Variants in AOAH observed in about 807,000 individuals in gnomAD.
AOAH encodes the protein acyloxyacyl hydrolase (neutrophil).
AOAH carries 64 observed loss-of-function variants against 92.2 expected under a neutral mutation model. That is an observed-to-expected ratio of 0.69 (90% CI 0.57 to 0.86). AOAH has a LOEUF of 0.86. Among genes scored for constraint, AOAH ranks in the 40% least tolerant of loss-of-function variants. AOAH has a pLI of 0.00. For synonymous variants in AOAH, 263 were observed against 254.5 expected, an observed-to-expected ratio of 1.03 and a Z score of -0.32; for missense variants, 656 against 694.6, an observed-to-expected ratio of 0.94 and a Z score of 0.62.
chr7:36,593,361 T>G (rs987846003), intron 12 of AOAH, among the ~76,000 whole-genome samples: 4 of 152,258 alleles, frequency 2.6e-5, no homozygotes, highest in Non-Finnish European at 5.9e-5. Flanking sequence ...GAATAATTGC[T>G]TGTTAAAATG....
At chr7:36,514,431 C>T in intron 20 of AOAH, 1 of 1,432,034 alleles carries the variant, frequency 7.0e-7, no homozygotes, top group Non-Finnish European at 9.5e-7. Flanking sequence ...TAGCTTAATA[C>T]ACAGCAGGCT....
chr7:36,513,435 C>A, intron 20 of AOAH, 55 bp from the exon 21 acceptor site: 1 of 1,568,800 alleles, frequency 6.4e-7, no homozygotes, highest in East Asian at 2.2e-5. Context: ...AAATCACTTA[C>A]CAACAAGATT....
intron 3 of AOAH, among the ~76,000 whole-genome samples, chr7:36,659,760 T>C (rs1369986088): frequency 2.0e-5 from 3 of 148,886 alleles, no homozygotes; most frequent in Non-Finnish European, 3.0e-5. Flanking sequence ...TCTTTCTTTT[T>C]TTTTTTTTTT....
At chr7:36,705,838 C>T (rs1017699514) in intron 1 of AOAH, among the ~76,000 whole-genome samples, 2 of 152,060 alleles carry the variant, frequency 1.3e-5, no homozygotes, top group African/African-American at 4.8e-5. Context: ...AGAACAGAGG[C>T]CTCAGAAATA....
chr7:36,589,657 G>A (rs1789607380), intron 12 of AOAH, among the ~76,000 whole-genome samples: 1 of 152,200 alleles, frequency 6.6e-6, no homozygotes, highest in Non-Finnish European at 1.5e-5. Context: ...AAATGAGGTT[G>A]AGGAATGCTA....
chr7:36,630,648 TTAAAACGTTTCAAGATGA>T lies in AOAH; in HGVS notation c.521+1370_521+1387del, dbSNP rs543737435. Reference sequence around the variant, plus strand: ...GGTTTGGGGCCAAGGAATCTGGATTTTAAAACGTTTCAAGATGATTCTGAGACATAGGCATAATTTAGT... The same window carrying T: ...GGTTTGGGGCCAAGGAATCTGGATTTTTCTGAGACATAGGCATAATTTAGT... On this transcript the variant is annotated intron_variant, in intron 6 of 20. Transcript: ENST00000617537. Among the ~76,000 whole-genome samples, 32 of 152,156 alleles carry T rather than the reference TTAAAACGTTTCAAGATGA, an allele frequency of 2.1e-4. 1 individual carries two copies. Among genetic ancestry groups the T allele is most frequent in the Non-Finnish European group, 4.0e-4 (27 of 68,032 alleles).
At position 36,705,143 on chromosome 7, in the gene AOAH, A is replaced by G. The variant is rs552758991; in HGVS notation, c.128-18349T>C. On this transcript the variant is annotated intron_variant, in intron 1 of 20. Coordinates refer to ENST00000617537, the MANE Select transcript of AOAH (RefSeq NM_001637.4). ...AACATAGTATTGGAAGTTCTGGCCA[A>G]TGCAATCAGGCAAGAGAAATAGATA... 7.9e-5 allele frequency among the ~76,000 whole-genome samples: 12 copies of G among 152,264 alleles called. No homozygotes were observed. The East Asian group carries it at 2.3e-3, about 29-fold the overall frequency.
chr7:36,660,642 G>A (rs1795163011), intron 3 of AOAH, among the ~76,000 whole-genome samples: 1 of 152,204 alleles, frequency 6.6e-6, no homozygotes, highest in African/African-American at 2.4e-5. Context: ...TCTTATGGAA[G>A]AAAGTACAAT....
intron 12 of AOAH, among the ~76,000 whole-genome samples, chr7:36,590,632 C>G (rs535655766): frequency 5.2e-4 from 79 of 152,308 alleles, no homozygotes; most frequent in African/African-American, 1.8e-3. Context: ...GCACATTTTC[C>G]AAAGGACGCT....
chr7:36,655,691 A>G (rs1333005286), intron 4 of AOAH, among the ~76,000 whole-genome samples: 5 of 152,146 alleles, frequency 3.3e-5, no homozygotes, highest in Non-Finnish European at 7.4e-5. Context: ...GAAAGTCAGA[A>G]TTTCCATCAG....
rs1790198637 is a variant in AOAH, at chr7:36,597,291, T to C, written c.847-2861A>G. 2.0e-5 allele frequency among the ~76,000 whole-genome samples: 3 copies of C among 152,298 alleles called. No individual in the cohort carries two copies. In the Middle Eastern group the frequency reaches 0.01, roughly 518 times the overall value. Reference sequence around the variant, plus strand: ...GCATTCAGCACCCACCACTTTCTGCTCGAGACTCCACCATTACTGTGACTC... The same window carrying C: ...GCATTCAGCACCCACCACTTTCTGCCCGAGACTCCACCATTACTGTGACTC... On this transcript the variant is annotated intron_variant, in intron 11 of 20. Transcript: ENST00000617537.
At chr7:36,520,457 G>A (rs1051875842) in intron 20 of AOAH, among the ~76,000 whole-genome samples, 1 of 152,246 alleles carries the variant, frequency 6.6e-6, no homozygotes, top group African/African-American at 2.4e-5. Context: ...TGTAATCCCA[G>A]CACTTTGGGA....
In AOAH at chr7:36,627,359, A is replaced by AAGCCACGGGAATTC. The variant is rs370013069; in HGVS notation, c.522-4123_522-4110dup. Among the ~76,000 whole-genome samples, 432 of 152,326 alleles carry AAGCCACGGGAATTC rather than the reference A, an allele frequency of 2.8e-3. 3 individuals are homozygous for AAGCCACGGGAATTC. The highest frequency in any genetic ancestry group is 9.8e-3 in the African/African-American group (407 of 41,576). On this transcript the variant is annotated intron_variant, in intron 6 of 20. Coordinates refer to ENST00000617537, the MANE Select transcript of AOAH (RefSeq NM_001637.4). ...CTGAGGACAGCGTAGTGGGAAGGAA[A>AAGCCACGGGAATTC]AGCCACGGGAATTCTTTCAACGTAG... is the stretch of plus-strand genomic sequence containing the variant.
intron 20 of AOAH, among the ~76,000 whole-genome samples, chr7:36,515,191 A>C (rs1415363020): frequency 1.7e-5 from 2 of 119,366 alleles, no homozygotes; most frequent in East Asian, 2.6e-4. Context: ...CATACCCCCC[A>C]CACACCACAC....
chr7:36,668,469 T>C (rs1795699634), intron 3 of AOAH, among the ~76,000 whole-genome samples: 1 of 152,214 alleles, frequency 6.6e-6, no homozygotes, highest in Non-Finnish European at 1.5e-5. Context: ...GCTTGCCCAA[T>C]AATCTTACTT....
At chr7:36,553,999 T>C (rs1300748266) in intron 13 of AOAH, among the ~76,000 whole-genome samples, 1 of 152,178 alleles carries the variant, frequency 6.6e-6, no homozygotes, top group Non-Finnish European at 1.5e-5. Context: ...TAGATCCCAT[T>C]TGTCAATTTT....
At chr7:36,587,463 A>G (rs1332065364) in intron 12 of AOAH, among the ~76,000 whole-genome samples, 2 of 152,134 alleles carry the variant, frequency 1.3e-5, no homozygotes, top group Non-Finnish European at 1.5e-5. Context: ...AGCTGAAATT[A>G]TATCAATTAT....
At chr7:36,640,349 C>T (rs1793817220) in intron 4 of AOAH, among the ~76,000 whole-genome samples, 1 of 152,166 alleles carries the variant, frequency 6.6e-6, no homozygotes, top group Non-Finnish European at 1.5e-5. Flanking sequence ...AAATTAGAAG[C>T]ATTTCTGCAA....
At chr7:36,714,854 A>G (rs1369856337) in intron 1 of AOAH, among the ~76,000 whole-genome samples, 1 of 152,214 alleles carries the variant, frequency 6.6e-6, no homozygotes, top group Non-Finnish European at 1.5e-5. Flanking sequence ...ATCTATGACA[A>G]ACCCACAGCC....
Sources: allele counts gnomAD v4.1 joint callset (sites outside exome capture counted in the v4.1 genomes callset), GRCh38; gene constraint gnomAD v4.1.1; transcripts MANE v1.5; gene names NCBI Gene and HGNC (gene_info 2026-07-23, HGNC 2026-07-21).